RPS6KC1: variants seen among roughly 807,000 people sequenced by gnomAD.
RPS6KC1 encodes inactive ribosomal protein S6 kinase delta-1.
RPS6KC1 carries 54 observed loss-of-function variants against 103.8 expected under a neutral mutation model. That is an observed-to-expected ratio of 0.52 (90% CI 0.42 to 0.65). The LOEUF is 0.65. Among genes scored for constraint, RPS6KC1 ranks in the 30% least tolerant of loss-of-function variants. The pLI is 0.00. For synonymous variants in RPS6KC1, 439 were observed against 438.7 expected, an observed-to-expected ratio of 1.00 and a Z score of -0.01; for missense variants, 1,151 against 1,253.8, an observed-to-expected ratio of 0.92 and a Z score of 1.24.
chr1:213,538,943 G>A, the RPS6KC1 span, among the ~76,000 whole-genome samples: 2 of 152,132 alleles, frequency 1.3e-5, no homozygotes, highest in Non-Finnish European at 2.9e-5. Flanking sequence ...AGTCTTTGAT[G>A]GAGCCAGGAC....
chr1:213,577,592 G>A, the RPS6KC1 span, among the ~76,000 whole-genome samples: 2 of 152,176 alleles, frequency 1.3e-5, no homozygotes, highest in Non-Finnish European at 2.9e-5. Context: ...AGGCTGAGGT[G>A]GTCTCAGATG....
chr1:213,720,422 C>T, the RPS6KC1 span, among the ~76,000 whole-genome samples: 1 of 152,214 alleles, frequency 6.6e-6, no homozygotes, highest in Non-Finnish European at 1.5e-5. Flanking sequence ...AATTCTAACA[C>T]ATATCTTGCA....
At chr1:213,560,490 G>A in the RPS6KC1 span, among the ~76,000 whole-genome samples, 5 of 152,092 alleles carry the variant, frequency 3.3e-5, no homozygotes, top group Non-Finnish European at 5.9e-5. Flanking sequence ...TAAGGAAAAC[G>A]GGGACCTCGG....
At chr1:213,668,992 A>G in the RPS6KC1 span, among the ~76,000 whole-genome samples, 7 of 152,134 alleles carry the variant, frequency 4.6e-5, no homozygotes, top group Admixed American at 4.6e-4. Context: ...GGCTTAAGGG[A>G]ACATTATGGC....
chr1:213,124,238 T>G (rs900891621), intron 5 of RPS6KC1, among the ~76,000 whole-genome samples: 4 of 152,212 alleles, frequency 2.6e-5, no homozygotes, highest in African/African-American at 9.6e-5. Context: ...AAAAAAAGCT[T>G]AGGTTTTTGC....
chr1:213,445,210 T>TC, the RPS6KC1 span, among the ~76,000 whole-genome samples: 1 of 152,260 alleles, frequency 6.6e-6, no homozygotes, highest in Non-Finnish European at 1.5e-5. Flanking sequence ...AATAACGTTA[T>TC]ATTCTATGGA....
intron 8 of RPS6KC1, among the ~76,000 whole-genome samples, chr1:213,230,083 G>GT (rs2094054962): frequency 6.6e-6 from 1 of 152,146 alleles, no homozygotes; most frequent in African/African-American, 2.4e-5. Flanking sequence ...TAGAGCCTGA[G>GT]TTATTGAGAT....
chr1:213,075,109 C>A (rs548425770), intron 2 of RPS6KC1, among the ~76,000 whole-genome samples: 1 of 152,030 alleles, frequency 6.6e-6, no homozygotes, highest in African/African-American at 2.4e-5. Flanking sequence ...CCTTGGCCTC[C>A]CAAAGTGCTG....
chr1:213,702,891 T>G, the RPS6KC1 span, among the ~76,000 whole-genome samples: 67,826 of 150,836 alleles, frequency 0.45, 17,764 homozygotes, highest in East Asian at 0.65. Context: ...TTCAACTACT[T>G]TATGTCTTTT....
chr1:213,311,305 A>AT, the RPS6KC1 span, among the ~76,000 whole-genome samples: 2 of 151,676 alleles, frequency 1.3e-5, no homozygotes, highest in African/African-American at 4.8e-5. Context: ...CACCCGGCTA[A>AT]TTTTTTGTAT....
intron 5 of RPS6KC1, among the ~76,000 whole-genome samples, chr1:213,128,987 G>T (rs1250028790): frequency 6.6e-6 from 1 of 151,998 alleles, no homozygotes; most frequent in African/African-American, 2.4e-5. Flanking sequence ...ACCTGCTGTT[G>T]GTCACACAGT....
At chr1:213,662,679 TG>T in the RPS6KC1 span, among the ~76,000 whole-genome samples, 629 of 152,278 alleles carry the variant, frequency 4.1e-3, 4 homozygotes, top group Admixed American at 0.018. Context: ...ACCGTCAGCC[TG>T]GGTCTCTTCA....
chr1:213,455,954 C>T, the RPS6KC1 span, among the ~76,000 whole-genome samples: 2 of 152,158 alleles, frequency 1.3e-5, no homozygotes, highest in Admixed American at 1.3e-4. Flanking sequence ...CTCTCCCCAC[C>T]TTACCCGTGG....
the RPS6KC1 span, among the ~76,000 whole-genome samples, chr1:213,636,313 G>C: frequency 6.6e-6 from 1 of 151,998 alleles, no homozygotes; most frequent in Non-Finnish European, 1.5e-5. Flanking sequence ...ATTGCCAAGA[G>C]AAACCTAAGC....
chr1:213,111,328 C>T (rs1177572746), intron 4 of RPS6KC1, among the ~76,000 whole-genome samples: 2 of 152,100 alleles, frequency 1.3e-5, no homozygotes, highest in African/African-American at 4.8e-5. Flanking sequence ...ACTATATATC[C>T]CAAAATTTCT....
chr1:213,745,663 G>C, the RPS6KC1 span, among the ~76,000 whole-genome samples: 2,204 of 152,258 alleles, frequency 0.014, 22 homozygotes, highest in Non-Finnish European at 0.024. Flanking sequence ...GGCATGGATG[G>C]AAGAGGAAGG....
At chr1:213,212,029 A>T (rs902761557) in intron 8 of RPS6KC1, among the ~76,000 whole-genome samples, 1 of 151,842 alleles carries the variant, frequency 6.6e-6, no homozygotes, top group African/African-American at 2.4e-5. Context: ...ATTGTCAACA[A>T]CCCCCACCAG....
intron 12 of RPS6KC1, among the ~76,000 whole-genome samples, chr1:213,243,497 A>G (rs922132709): frequency 6.6e-6 from 1 of 152,210 alleles, no homozygotes; most frequent in African/African-American, 2.4e-5. Flanking sequence ...TTTATAGACA[A>G]AACAGTTTTA....
At chr1:213,384,930 G>A in the RPS6KC1 span, among the ~76,000 whole-genome samples, 16 of 152,324 alleles carry the variant, frequency 1.1e-4, no homozygotes, top group East Asian at 1.7e-3. Flanking sequence ...TTTAAACCCA[G>A]GCAGGTGACT....
Sources: gnomAD v4.1 joint callset for allele counts (sites outside exome capture counted in the v4.1 genomes callset) on GRCh38, gnomAD v4.1.1 for gene constraint, MANE v1.5 for transcripts, NCBI Gene and HGNC (gene_info 2026-07-23, HGNC 2026-07-21) for gene names.